The following GXYLT1 variants were observed in gnomAD, a reference collection of about 807,000 sequenced individuals.
GXYLT1 encodes the protein glycosyltransferase 8 domain containing 3.
In GXYLT1, 29 loss-of-function variants were observed where a neutral mutation model predicts 54.0. That is an observed-to-expected ratio of 0.54 (90% CI 0.40 to 0.73). GXYLT1 has a LOEUF of 0.73. GXYLT1 is among the 30% of genes least tolerant of loss of function. The pLI is 0.00. For missense variants in GXYLT1, 490 were observed against 553.4 expected, an observed-to-expected ratio of 0.89 and a Z score of 1.15; for synonymous variants, 176 against 204.1, an observed-to-expected ratio of 0.86 and a Z score of 1.17.
At chr12:42,126,079 T>A (rs2065559867) in intron 2 of GXYLT1, among the ~76,000 whole-genome samples, 2 of 151,040 alleles carry the variant, frequency 1.3e-5, no homozygotes, top group South Asian at 2.1e-4. Flanking sequence ...GGAACTTTTT[T>A]TTTTTTTTTT....
rs1341657358 is a variant in GXYLT1 at position 42,144,869 on chromosome 12, G to A, written c.-223C>T. 3.1e-6 allele frequency: 1 copy of A among 322,858 alleles called. No individual in the cohort carries two copies. The highest frequency in any genetic ancestry group is 5.0e-5 in the East Asian group (1 of 20,192). 20.0% of individuals were successfully genotyped at this position (322,858 alleles called of 1,614,324 possible). On this transcript the variant is annotated 5_prime_UTR_variant, in exon 1 of 8. Coordinates refer to ENST00000398675, the MANE Select transcript of GXYLT1 (RefSeq NM_173601.2). ...CTACCCGCCCGGAAGCCTGGACACC[G>A]CCTCTGCCGCCGCGCGCTCAAGGGT...
chr12:42,123,677 C>T (rs1005623416), intron 2 of GXYLT1, among the ~76,000 whole-genome samples: 5 of 151,758 alleles, frequency 3.3e-5, no homozygotes, highest in African/African-American at 1.2e-4. Flanking sequence ...GTTCTTATAG[C>T]CTATTATTAA....
chr12:42,119,931 C>G (rs2065520552), intron 2 of GXYLT1, among the ~76,000 whole-genome samples: 1 of 152,192 alleles, frequency 6.6e-6, no homozygotes, highest in South Asian at 2.1e-4. Context: ...TTCCTCCTTT[C>G]AAACTACAGA....
At position 42,114,528 on chromosome 12, in the gene GXYLT1, A is replaced by G. The variant is rs183275860; in HGVS notation, c.486+4472T>C. Among the ~76,000 whole-genome samples the G allele has an allele frequency of 3.3e-5, 5 of 152,340 alleles. 1 individual carries two copies. The highest frequency in any genetic ancestry group is 6.5e-5 in the Admixed American group (1 of 15,298). ...TCTACGCAAATAAACTAGAAAATCT[A>G]GAAGAAATGGATAAATTCCTCGACA... On this transcript the variant is annotated intron_variant, in intron 3 of 7. Coordinates refer to ENST00000398675, the MANE Select transcript of GXYLT1 (RefSeq NM_173601.2).
chr12:42,135,018 A>G (rs2065611778), intron 1 of GXYLT1, among the ~76,000 whole-genome samples: 1 of 152,194 alleles, frequency 6.6e-6, no homozygotes. Context: ...AACCCTATTC[A>G]TTACCATGGG....
At chr12:42,110,130 T>G (rs1047042478) in intron 3 of GXYLT1, among the ~76,000 whole-genome samples, 2 of 152,222 alleles carry the variant, frequency 1.3e-5, no homozygotes, top group Non-Finnish European at 2.9e-5. Context: ...TAAAAAATAT[T>G]TGTCCATCAA....
chr12:42,102,401 T>G (rs11181324), intron 5 of GXYLT1, among the ~76,000 whole-genome samples: 8,439 of 152,292 alleles, frequency 0.055, 312 homozygotes, highest in Middle Eastern at 0.085. Flanking sequence ...TTGTATCTAC[T>G]TCATACAAAG....
intron 3 of GXYLT1, among the ~76,000 whole-genome samples, chr12:42,114,245 C>A (rs1466135341): frequency 2.0e-5 from 3 of 152,134 alleles, no homozygotes; most frequent in African/African-American, 7.2e-5. Flanking sequence ...CAAAGACATT[C>A]AAAACCTAGC....
chr12:42,097,169 T>G (rs1278027963), intron 7 of GXYLT1, among the ~76,000 whole-genome samples: 1 of 146,512 alleles, frequency 6.8e-6, no homozygotes, highest in African/African-American at 2.5e-5. Context: ...ATTCTTAGTT[T>G]AAAAAAAAAA....
rs546836945 is a variant in GXYLT1 at position 42,081,900 on chromosome 12, A to C, written c.*5886T>G. ...TGTTTATTTAGTAACAGCAACACAT[A>C]GTTTCTCAAGAAGAGGATGAACTGA... On this transcript the variant is annotated 3_prime_UTR_variant, in exon 8 of 8. Transcript: ENST00000398675. 1 of 152,386 alleles carries C rather than the reference A, an allele frequency of 6.6e-6. No homozygotes were observed. The highest frequency in any genetic ancestry group is 2.1e-4 in the South Asian group (1 of 4,826). The allele number at this position is 152,386 out of a possible 1,614,324, so 9.4% of individuals were successfully genotyped here.
intron 1 of GXYLT1, among the ~76,000 whole-genome samples, chr12:42,141,147 A>C (rs908392298): frequency 6.6e-6 from 1 of 152,186 alleles, no homozygotes; most frequent in Non-Finnish European, 1.5e-5. Flanking sequence ...AGAGTTCCCC[A>C]TCCCAAGTAA....
intron 7 of GXYLT1, among the ~76,000 whole-genome samples, chr12:42,094,516 G>T (rs2065345160): frequency 1.3e-5 from 2 of 151,926 alleles, no homozygotes; most frequent in Non-Finnish European, 2.9e-5. Context: ...TATGTTAGCT[G>T]AGTGTGGTGG....
At chr12:42,129,193 A>T (rs1309730705) in intron 2 of GXYLT1, among the ~76,000 whole-genome samples, 1 of 152,136 alleles carries the variant, frequency 6.6e-6, no homozygotes, top group Non-Finnish European at 1.5e-5. Context: ...AGTACCCAAT[A>T]CCTTCATTAT....
Position 42,144,755 on chromosome 12 carries a change from AGCC to A in GXYLT1, c.-112_-110del, listed in dbSNP as rs1325667405. The A allele has an allele frequency of 6.0e-4, 447 of 749,802 alleles. No individual in the cohort carries two copies. The highest frequency in any genetic ancestry group is 1.4e-3 in the South Asian group (41 of 29,596). The allele number at this position is 749,802 out of a possible 1,614,324, so 46.4% of individuals were successfully genotyped here. A position where few individuals can be genotyped will look rare whatever the true frequency, so the allele number is the denominator to read the frequency against. Reference sequence around the variant, plus strand: ...CGGGCGCAACAAGTTCCTCACCCGCAGCCGCCGCCGCCGCCTTGCGCCCGCTCC... The same window carrying A: ...CGGGCGCAACAAGTTCCTCACCCGCAGCCGCCGCCGCCTTGCGCCCGCTCC... On this transcript the variant is annotated 5_prime_UTR_variant, in exon 1 of 8. Transcript: ENST00000398675.
chr12:42,136,119 T>C (rs1015720538), intron 1 of GXYLT1, among the ~76,000 whole-genome samples: 1 of 152,194 alleles, frequency 6.6e-6, no homozygotes, highest in Non-Finnish European at 1.5e-5. Context: ...TTCTCCCATT[T>C]TGAAAAACTG....
intron 3 of GXYLT1, among the ~76,000 whole-genome samples, chr12:42,117,080 A>G (rs1308580956): frequency 1.4e-5 from 2 of 142,766 alleles, no homozygotes; most frequent in Non-Finnish European, 3.0e-5. Flanking sequence ...TTGAACAATG[A>G]GAACACATGG....
Position 42,144,730 on chromosome 12 carries a change from C to T in GXYLT1, c.-84G>A, listed in dbSNP as rs941008713. On this transcript the variant is annotated 5_prime_UTR_variant, in exon 1 of 8. Transcript: ENST00000398675. ...CGGAGGGAGGGGCACCGCGCAGCCG[C>T]GGGCGCAACAAGTTCCTCACCCGCA... 9 of 1,096,900 alleles carry T rather than the reference C, an allele frequency of 8.2e-6. No homozygotes were observed. Among genetic ancestry groups the T allele is most frequent in the South Asian group, 2.4e-5 (1 of 41,586 alleles). The allele number at this position is 1,096,900 out of a possible 1,614,324, so 67.9% of individuals were successfully genotyped here. A position where few individuals can be genotyped will look rare whatever the true frequency, so the allele number is the denominator to read the frequency against.
chr12:42,101,082 C>G (rs1210997768), intron 5 of GXYLT1, among the ~76,000 whole-genome samples: 1 of 151,828 alleles, frequency 6.6e-6, no homozygotes, highest in Non-Finnish European at 1.5e-5. Context: ...CATTAGAAAA[C>G]TATTTGGAAA....
intron 7 of GXYLT1, among the ~76,000 whole-genome samples, chr12:42,096,944 A>T (rs2065359084): frequency 6.6e-6 from 1 of 152,142 alleles, no homozygotes; most frequent in Non-Finnish European, 1.5e-5. Context: ...AATCGTAAGG[A>T]AACATTAGAC....
Sources: gnomAD v4.1 joint callset for allele counts (sites outside exome capture counted in the v4.1 genomes callset) on GRCh38, gnomAD v4.1.1 for gene constraint, MANE v1.5 for transcripts, NCBI Gene and HGNC (gene_info 2026-07-23, HGNC 2026-07-21) for gene names.